ZNF609: variants seen among roughly 807,000 people sequenced by gnomAD.
The protein encoded by ZNF609 is zinc finger protein 609.
In ZNF609, 11 loss-of-function variants were observed where a neutral mutation model predicts 109.5. The observed-to-expected ratio is 0.10, with a 90% CI of 0.06 to 0.17. The LOEUF (loss-of-function observed/expected upper bound fraction) is 0.17, where lower values mean the gene tolerates loss of function less well. Among genes scored for constraint, ZNF609 ranks in the 10% least tolerant of loss-of-function variants. The probability of loss-of-function intolerance (pLI) is 1.00; values close to 1 mark genes in which losing one functional copy is unlikely to be tolerated. For synonymous variants in ZNF609, 646 were observed against 662.0 expected (o/e 0.98, Z 0.37); for missense variants, 1,559 against 1,772.4 (o/e 0.88, Z 2.16).
intron 2 of ZNF609, among the ~76,000 whole-genome samples, chr15:64,511,072 C>T (rs558397675): frequency 1.4e-5 from 2 of 147,760 alleles, no homozygotes; most frequent in Admixed American, 6.8e-5. Flanking sequence ...GTTGATATTT[C>T]CTGGCTTATG....
At chr15:64,574,117 G>C (rs894345820) in intron 2 of ZNF609, among the ~76,000 whole-genome samples, 1 of 150,392 alleles carries the variant, frequency 6.6e-6, no homozygotes, top group Admixed American at 6.6e-5. Flanking sequence ...CTAACAGCTG[G>C]AATTGTGGCA....
At chr15:64,510,100 C>T (rs1893698781) in intron 2 of ZNF609, among the ~76,000 whole-genome samples, 1 of 152,118 alleles carries the variant, frequency 6.6e-6, no homozygotes, top group South Asian at 2.1e-4. Context: ...TTTATCATCT[C>T]ACATCATCAC....
intron 2 of ZNF609, among the ~76,000 whole-genome samples, chr15:64,528,178 A>G (rs1403026397): frequency 1.3e-5 from 2 of 151,246 alleles, no homozygotes; most frequent in Admixed American, 6.6e-5. Context: ...GCTCACTGCA[A>G]CCTCCACCTC....
chr15:64,539,163 CTTATTTATTTAT>C (rs753926623), intron 2 of ZNF609, among the ~76,000 whole-genome samples: 3,041 of 135,376 alleles, frequency 0.022, 58 homozygotes, highest in Non-Finnish European at 0.034. Flanking sequence ...GCCACCATGC[CTTATTTATTTAT>C]TTATTTATTT....
intron 3 of ZNF609, among the ~76,000 whole-genome samples, chr15:64,669,523 G>T (rs939790013): frequency 6.6e-6 from 1 of 152,120 alleles, no homozygotes; most frequent in African/African-American, 2.4e-5. Flanking sequence ...CCAAGTAGGG[G>T]AACTGGAAGA....
intron 6 of ZNF609, among the ~76,000 whole-genome samples, chr15:64,679,009 T>G (rs1472844037): frequency 6.6e-6 from 1 of 152,208 alleles, no homozygotes; most frequent in African/African-American, 2.4e-5. Flanking sequence ...GAAGTCAGAC[T>G]GGGGGGAGGT....
intron 1 of ZNF609, among the ~76,000 whole-genome samples, chr15:64,484,316 G>C (rs1298237880): frequency 6.6e-6 from 1 of 152,184 alleles, no homozygotes; most frequent in Non-Finnish European, 1.5e-5. Flanking sequence ...TTTAAAAAGA[G>C]GGAGAAAGTC....
At chr15:64,538,204 G>C (rs533319393) in intron 2 of ZNF609, among the ~76,000 whole-genome samples, 1 of 152,202 alleles carries the variant, frequency 6.6e-6, no homozygotes, top group South Asian at 2.1e-4. Context: ...AAAATTTTTA[G>C]ATGGGTTAGA....
In ZNF609 at chr15:64,645,008, T is replaced by TCTTCCTTC. The variant is rs1170783769; in HGVS notation, c.973+21972_973+21979dup. ...TTCTTTCTTTCTTTCTTTCTTTCTT[T>TCTTCCTTC]CTTCCTTCCTTCCTTCCTTCCTTTC... On this transcript the variant is annotated intron_variant, in intron 3 of 9. Transcript: ENST00000326648. Among the ~76,000 whole-genome samples the TCTTCCTTC allele has an allele frequency of 4.3e-3, 601 of 140,134 alleles. 2 individuals are homozygous for TCTTCCTTC. The highest frequency in any genetic ancestry group is 0.016 in the South Asian group (70 of 4,482). The allele number at this position is 140,134 out of a possible 152,430, so 91.9% of individuals were successfully genotyped here.
intron 3 of ZNF609, among the ~76,000 whole-genome samples, chr15:64,624,127 C>T (rs1895918102): frequency 1.3e-5 from 2 of 152,184 alleles, no homozygotes; most frequent in Non-Finnish European, 1.5e-5. Flanking sequence ...TGATGTGTTA[C>T]AGGTTAAGAA....
At chr15:64,461,661 A>C (rs1031410485) in intron 1 of ZNF609, among the ~76,000 whole-genome samples, 1 of 152,158 alleles carries the variant, frequency 6.6e-6, no homozygotes, top group Non-Finnish European at 1.5e-5. Flanking sequence ...GGGTGGAGAG[A>C]TCAGAGCCCT....
At chr15:64,528,528 C>G in intron 2 of ZNF609, 1 of 516,130 alleles carries the variant, frequency 1.9e-6, no homozygotes, top group Non-Finnish European at 3.5e-6. Context: ...CTAGGCCCCT[C>G]CCTCTCCAAG....
At chr15:64,627,663 C>CTTTTTTTTTTTTTTTTTTTTTTTTTTTT (rs35293725) in intron 3 of ZNF609, among the ~76,000 whole-genome samples, 1 of 86,014 alleles carries the variant, frequency 1.2e-5, no homozygotes, top group Non-Finnish European at 2.1e-5. Context: ...TTTTTTCTTT[C>CTTTTTTTTTTTTTTTTTTTTTTTTTTTT]TTTTTTTTTT....
chr15:64,469,530 T>C (rs1446709082), intron 1 of ZNF609, among the ~76,000 whole-genome samples: 1 of 148,430 alleles, frequency 6.7e-6, no homozygotes, highest in African/African-American at 2.5e-5. Context: ...GTCAAAAATA[T>C]AGCCGGTATT....
chr15:64,675,782 G>A lies in ZNF609; in HGVS notation c.2928G>A (p.Gln976=). 3 of 1,614,228 alleles carry A rather than the reference G, an allele frequency of 1.9e-6. No homozygotes were observed. The highest frequency in any genetic ancestry group is 1.7e-6 in the Non-Finnish European group (2 of 1,180,044). Residue 976 remains glutamine (Q), a synonymous_variant, in exon 5 of 10, where the codon CAG becomes CAA. Coordinates refer to ENST00000326648, the MANE Select transcript of ZNF609 (RefSeq NM_015042.2). ...NMYMQSLYYN[Q]YAYVPPYGYS... Reference sequence around the variant, plus strand: ...ACATGCAGTCCCTGTACTACAACCAGTATGCCTATGTACCCCCCTATGGCT... The same window carrying A: ...ACATGCAGTCCCTGTACTACAACCAATATGCCTATGTACCCCCCTATGGCT...
chr15:64,474,122 G>A (rs1893132528), intron 1 of ZNF609, among the ~76,000 whole-genome samples: 1 of 151,864 alleles, frequency 6.6e-6, no homozygotes. Context: ...TGGCCAGGCT[G>A]GTCTCGAACT....
intron 3 of ZNF609, among the ~76,000 whole-genome samples, chr15:64,667,324 A>T (rs575967240): frequency 1.3e-5 from 2 of 152,350 alleles, no homozygotes; most frequent in African/African-American, 4.8e-5. Context: ...GAAGTGCCAA[A>T]TCAAAAAGTA....
intron 2 of ZNF609, among the ~76,000 whole-genome samples, chr15:64,612,749 T>G (rs1240986443): frequency 6.6e-6 from 1 of 151,848 alleles, no homozygotes; most frequent in African/African-American, 2.4e-5. Flanking sequence ...GCGTGGTGGC[T>G]CATGCCTGTA....
intron 2 of ZNF609, among the ~76,000 whole-genome samples, chr15:64,569,603 G>A (rs1207207281): frequency 2.0e-5 from 3 of 152,200 alleles, no homozygotes; most frequent in African/African-American, 4.8e-5. Flanking sequence ...TGCCAATTCA[G>A]TAGCCCCCTC....
Sources: allele counts gnomAD v4.1 joint callset (sites outside exome capture counted in the v4.1 genomes callset), GRCh38; gene constraint gnomAD v4.1.1; transcripts MANE v1.5; gene names NCBI Gene and HGNC (gene_info 2026-07-23, HGNC 2026-07-21).